Variants in IPP observed in about 807,000 individuals in gnomAD.
IPP encodes actin-binding protein IPP.
In IPP, 41 loss-of-function variants were observed where a neutral mutation model predicts 64.1. The ratio of observed to expected loss-of-function variants is 0.64; its 90% confidence interval spans 0.50 to 0.83. The LOEUF (loss-of-function observed/expected upper bound fraction) is 0.83. Ranked by LOEUF, IPP falls within the 40% of genes least tolerant of loss-of-function variation. The pLI, the probability that IPP is intolerant of heterozygous loss-of-function variation, is 0.00. For synonymous variants in IPP, 214 were observed against 235.2 expected, an observed-to-expected ratio of 0.91 and a Z score of 0.83; for missense variants, 649 against 703.0, an observed-to-expected ratio of 0.92 and a Z score of 0.87.
Position 45,714,361 on chromosome 1 carries a change from C to G in IPP, c.1415G>C (p.Gly472Ala). The G allele has an allele frequency of 6.2e-7, 1 of 1,613,882 alleles. No homozygotes were observed. The highest frequency in any genetic ancestry group is 8.5e-7 in the Non-Finnish European group (1 of 1,179,744). The change falls in exon 8 of 9, where the codon GGA becomes GCA. Residue 472 changes from glycine (G) to alanine (A), a missense_variant. Coordinates refer to ENST00000396478, the MANE Select transcript of IPP (RefSeq NM_005897.3). ...SKRWSPLPPM[G>A]TRRAYLGVAA... ...CACACCAAGATATGCTCTCCTGGTT[C>G]CCATTGGAGGAAGTGGAGACCAACG...
At chr1:45,713,388 C>T (rs554332389) in intron 8 of IPP, among the ~76,000 whole-genome samples, 10 of 152,062 alleles carry the variant, frequency 6.6e-5, no homozygotes, top group Non-Finnish European at 1.5e-4. Flanking sequence ...TAGAGAAACC[C>T]CGTCTCCACT....
chr1:45,699,847 C>T lies in IPP; in HGVS notation c.*119G>A. 1.3e-6 allele frequency: 2 copies of T among 1,496,580 alleles called. No individual in the cohort carries two copies. The highest frequency in any genetic ancestry group is 1.8e-6 in the Non-Finnish European group (2 of 1,127,092). 92.7% of individuals were successfully genotyped at this position (1,496,580 alleles called of 1,614,324 possible). ...CCCAGCCTCGTTAGTCATTTATCTA[C>T]CAAATACATGGAAAACTCACAGAAT... On this transcript the variant is annotated 3_prime_UTR_variant, in exon 9 of 9. Transcript: ENST00000396478.
At chr1:45,737,554 G>A (rs1180772832) in intron 3 of IPP, among the ~76,000 whole-genome samples, 2 of 148,404 alleles carry the variant, frequency 1.3e-5, no homozygotes, top group African/African-American at 2.5e-5. Flanking sequence ...TCAGCTTCCT[G>A]GGTTCAAGTG....
intron 3 of IPP, 73 bp downstream of exon 3, chr1:45,740,828 C>T: frequency 1.0e-6 from 1 of 955,358 alleles, no homozygotes; most frequent in Admixed American, 2.8e-5. Context: ...AAAATGAAAA[C>T]ACTCTCCCAC....
At chr1:45,739,748 A>AT (rs1646034308) in intron 3 of IPP, among the ~76,000 whole-genome samples, 1 of 151,518 alleles carries the variant, frequency 6.6e-6, no homozygotes, top group East Asian at 1.9e-4. Flanking sequence ...GATTCATTGA[A>AT]TTTTTTTATT....
chr1:45,732,087 C>T (rs1228805341), intron 3 of IPP, among the ~76,000 whole-genome samples: 9 of 151,966 alleles, frequency 5.9e-5, no homozygotes, highest in African/African-American at 1.4e-4. Context: ...TGGCCAGGCA[C>T]GGTGTCTCAT....
chr1:45,743,298 C>T (rs1424066645), intron 2 of IPP, among the ~76,000 whole-genome samples: 1 of 149,430 alleles, frequency 6.7e-6, no homozygotes, highest in Non-Finnish European at 1.5e-5. Context: ...AGTACAGTGG[C>T]ATGGTCTCTG....
intron 2 of IPP, 133 bp downstream of exon 2, chr1:45,745,985 GAT>G: frequency 2.9e-6 from 2 of 689,390 alleles, no homozygotes; most frequent in Non-Finnish European, 4.7e-6. Context: ...CGGGTCATAA[GAT>G]ATGAATTTTC....
At chr1:45,696,812 C>T (rs911828502), downstream of IPP, 4 of 152,252 alleles carry the variant, frequency 2.6e-5, no homozygotes. Flanking sequence ...CCAATCTTGT[C>T]ATTACCTAGG....
Position 45,740,952 on chromosome 1 carries a change from G to C in IPP, c.673C>G (p.Pro225Ala), listed in dbSNP as rs756322320. 6.2e-7 allele frequency: 1 copy of C among 1,612,946 alleles called. No individual in the cohort carries two copies. Among genetic ancestry groups the C allele is most frequent in the South Asian group, 1.1e-5 (1 of 90,792 alleles). Residue 225 changes from proline to alanine, a missense_variant, in exon 3 of 9, where the codon CCA becomes GCA. Pro to Ala is a conservative substitution (Grantham distance 27). Transcript: ENST00000396478. ...RRKHVVEVLDPIRFPLLPPQR... is the reference protein window; with the variant it reads ...RRKHVVEVLDAIRFPLLPPQR... ...GGAGGTAATAAAGGGAATCGAATTG[G>C]GTCTAGCACTTCCACCACATGTTTT...
intron 3 of IPP, among the ~76,000 whole-genome samples, chr1:45,734,689 G>T (rs774529813): frequency 6.6e-6 from 1 of 151,606 alleles, no homozygotes; most frequent in Non-Finnish European, 1.5e-5. Flanking sequence ...GTGAGATCTC[G>T]GCTCACTGCA....
chr1:45,740,425 G>A (rs1296455418), intron 3 of IPP, among the ~76,000 whole-genome samples: 4 of 151,992 alleles, frequency 2.6e-5, no homozygotes, highest in African/African-American at 4.8e-5. Context: ...CTCACCTCCC[G>A]GACGGGGCGG....
At chr1:45,701,012 A>T (rs1471778589) in intron 8 of IPP, among the ~76,000 whole-genome samples, 7 of 152,244 alleles carry the variant, frequency 4.6e-5, no homozygotes. Flanking sequence ...TAATCTGCAG[A>T]ACATATTTTC....
chr1:45,703,492 C>T (rs1261832062), intron 8 of IPP, among the ~76,000 whole-genome samples: 1 of 128,730 alleles, frequency 7.8e-6, no homozygotes, highest in African/African-American at 2.9e-5. Flanking sequence ...AACACTTCCA[C>T]AAGATATTCT....
intron 8 of IPP, 37 bp downstream of exon 8, chr1:45,714,209 T>A: frequency 7.3e-7 from 1 of 1,376,734 alleles, no homozygotes; most frequent in South Asian, 1.2e-5. Flanking sequence ...ATTAAAAGAA[T>A]ATCAGGATAC....
At position 45,737,419 on chromosome 1, in the gene IPP, T is replaced by A. The variant is rs527986678; in HGVS notation, c.724+3482A>T. Among the ~76,000 whole-genome samples the A allele has an allele frequency of 5.9e-5, 9 of 152,086 alleles. No individual in the cohort carries two copies. The East Asian group carries it at 1.7e-3, about 29-fold the overall frequency. ...ATGATTTCAATTACCCATTAATATTTCCAAAATATTAAGTGGAAATTCCAG... is the reference window on the plus strand; with the variant it reads ...ATGATTTCAATTACCCATTAATATTACCAAAATATTAAGTGGAAATTCCAG... On this transcript the variant is annotated intron_variant, in intron 3 of 8. Transcript: ENST00000396478.
At chr1:45,749,722 G>T (rs137985332) in intron 1 of IPP, among the ~76,000 whole-genome samples, 1 of 151,096 alleles carries the variant, frequency 6.6e-6, no homozygotes, top group Admixed American at 6.6e-5. Flanking sequence ...GGGTTTCACC[G>T]TGTTAGCCAG....
chr1:45,710,303 G>GAA, intron 8 of IPP, among the ~76,000 whole-genome samples: 3 of 121,584 alleles, frequency 2.5e-5, no homozygotes, highest in Non-Finnish European at 5.3e-5. Context: ...CTACACAAAA[G>GAA]AGTTAATAGA....
chr1:45,725,262 C>A (rs1645803765), intron 5 of IPP, among the ~76,000 whole-genome samples: 4 of 128,652 alleles, frequency 3.1e-5, no homozygotes, highest in Non-Finnish European at 1.7e-5. Context: ...AGGTGAGGGG[C>A]GCCTCTGCCC....
Sources: allele counts gnomAD v4.1 joint callset (sites outside exome capture counted in the v4.1 genomes callset), GRCh38; gene constraint gnomAD v4.1.1; transcripts MANE v1.5; gene names NCBI Gene and HGNC (gene_info 2026-07-23, HGNC 2026-07-21).